Variants in MAN1B1 observed in about 807,000 individuals in gnomAD.
The protein encoded by MAN1B1 is endoplasmic reticulum mannosyl-oligosaccharide 1,2-alpha-mannosidase.
Under a neutral mutation model 75.5 loss-of-function variants are expected in MAN1B1, and 66 were observed. The ratio of observed to expected loss-of-function variants is 0.87; its 90% CI spans 0.72 to 1.07. MAN1B1 has a LOEUF of 1.07. Among genes scored for constraint, MAN1B1 ranks in the 50% least tolerant of loss-of-function variants. The probability of loss-of-function intolerance (pLI) is 0.00; values close to 1 mark genes in which losing one functional copy is unlikely to be tolerated. For synonymous variants in MAN1B1, 453 were observed against 382.8 expected (o/e 1.18, Z -2.14); for missense variants, 973 against 912.5 (o/e 1.07, Z -0.85).
intron 12 of MAN1B1, 155 bp from the exon 13 acceptor site, chr9:137,108,214 GGGCTCCGGTGGAACCACAC>G: frequency 1.5e-6 from 1 of 645,274 alleles, no homozygotes. Flanking sequence ...ATTTCCAGGT[GGGCTCCGGTGGAACCACAC>G]GGCTCGCCTG....
intron 8 of MAN1B1, chr9:137,102,854 G>A (rs1466368252): frequency 8.1e-5 from 36 of 444,840 alleles, no homozygotes; most frequent in South Asian, 4.0e-4. Flanking sequence ...TGTTGCAGGC[G>A]TGCAGGTCGG....
Position 137,103,792 on chromosome 9 carries a change from T to C in MAN1B1, c.1254+2120T>C, listed in dbSNP as rs181706889. ...TTCACACTGTTGCAGGTGTGCAGGT[T>C]GGTGTTACACACATTCACACTGTTG... On this transcript the variant is annotated intron_variant, in intron 8 of 12. Transcript: ENST00000371589. The C allele has an allele frequency of 1.8e-3, 781 of 431,382 alleles. 13 individuals carry two copies. In the East Asian group the frequency reaches 0.046, roughly 25 times the overall value. 26.7% of individuals were successfully genotyped at this position (431,382 alleles called of 1,614,324 possible). A position where few individuals can be genotyped will look rare whatever the true frequency, so the allele number is the denominator to read the frequency against.
rs770120397 is a variant in MAN1B1, at chr9:137,107,423, G to A, written c.1740G>A (p.Pro580=). 26 of 1,613,322 alleles carry A rather than the reference G, an allele frequency of 1.6e-5. No homozygotes were observed. Among genetic ancestry groups the A allele is most frequent in the Middle Eastern group, 1.6e-4 (1 of 6,084 alleles). The part of the protein sequence containing the change: ...EIVHFNLYPQ[P]GRRDVEVKPA... Reference sequence around the variant, plus strand: ...TGCACTTCAACCTTTACCCCCAGCCGGGCCGTCGGGACGTGGAGGTCAAGG... The same window carrying A: ...TGCACTTCAACCTTTACCCCCAGCCAGGCCGTCGGGACGTGGAGGTCAAGG... The change falls in exon 11 of 13, where the codon CCG becomes CCA. Residue 580 remains proline, a synonymous_variant. Transcript: ENST00000371589.
At chr9:137,090,311 C>T (rs942966949) in intron 3 of MAN1B1, among the ~76,000 whole-genome samples, 2 of 152,154 alleles carry the variant, frequency 1.3e-5, no homozygotes, top group African/African-American at 4.8e-5. Context: ...GGGAGCTTCA[C>T]CTGTGGCCAG....
intron 3 of MAN1B1, among the ~76,000 whole-genome samples, chr9:137,092,721 A>C (rs1195277714): frequency 6.6e-6 from 1 of 152,230 alleles, no homozygotes; most frequent in Admixed American, 6.5e-5. Context: ...TGAGAGTAGC[A>C]GTCAGTGGTG....
intron 8 of MAN1B1, chr9:137,104,281 G>A (rs909242240): frequency 1.1e-5 from 4 of 359,590 alleles, no homozygotes; most frequent in Admixed American, 3.7e-5. Flanking sequence ...TGTCACTCAG[G>A]CTGGAGTGCA....
In MAN1B1 at chr9:137,106,330, G is replaced by A. The variant is rs947665820; in HGVS notation, c.1445+15G>A. 29 of 1,543,424 alleles carry A rather than the reference G, an allele frequency of 1.9e-5. No individual in the cohort carries two copies. The highest frequency in any genetic ancestry group is 2.3e-4 in the Middle Eastern group (1 of 4,376). On this transcript the variant is annotated intron_variant, in intron 9 of 12. Coordinates refer to ENST00000371589, the MANE Select transcript of MAN1B1 (RefSeq NM_016219.5). ...CAGGAGACACAGTGAGGCCCGGCCC[G>A]CTGCCCCCAGCTCCCGCGGCTCCCC... is the stretch of plus-strand genomic sequence containing the variant.
intron 3 of MAN1B1, chr9:137,094,454 A>G: frequency 2.3e-6 from 1 of 434,694 alleles, no homozygotes. Context: ...AGACTAGAGA[A>G]ACACAGTGGA....
intron 4 of MAN1B1, 43 bp downstream of exon 4, chr9:137,096,434 G>A (rs115405628): frequency 6.2e-7 from 1 of 1,604,130 alleles, no homozygotes; most frequent in Admixed American, 1.7e-5. Context: ...CTCAGGGCTT[G>A]ATGTTCCGAA....
At chr9:137,101,353 G>C (rs1375666357) in intron 7 of MAN1B1, 131 bp from the exon 8 acceptor site, 1 of 1,098,890 alleles carries the variant, frequency 9.1e-7, no homozygotes. Flanking sequence ...TCAGTGCAGA[G>C]TGATGCCCGT....
At chr9:137,096,106 G>A (rs764535611) in intron 3 of MAN1B1, 131 bp from the exon 4 acceptor site, 49 of 974,072 alleles carry the variant, frequency 5.0e-5, no homozygotes, top group Non-Finnish European at 6.5e-5. Context: ...ATTGAAAAAC[G>A]AAAGTAATTT....
intron 1 of MAN1B1, 158 bp downstream of exon 1, chr9:137,087,376 T>C (rs2130984328): frequency 1.1e-6 from 1 of 935,568 alleles, no homozygotes; most frequent in Non-Finnish European, 1.6e-6. Flanking sequence ...GCGTTCCTGG[T>C]TGGGGCAGCC....
chr9:137,100,405 T>G (rs1830775548), intron 6 of MAN1B1, among the ~76,000 whole-genome samples: 1 of 152,278 alleles, frequency 6.6e-6, no homozygotes, highest in Admixed American at 6.5e-5. Flanking sequence ...ACTGCACTGC[T>G]GACTCCGTTT....
rs1373806060 is a variant in MAN1B1, at chr9:137,088,322, G to A, written c.328+139G>A. On this transcript the variant is annotated intron_variant, in intron 2 of 12. Coordinates refer to ENST00000371589, the MANE Select transcript of MAN1B1 (RefSeq NM_016219.5). ...GCAAGAAATCAAGATAAAGAGAAAG[G>A]TAGAGCTGTATGTAACCACCTGGCT... The A allele has an allele frequency of 2.5e-6, 4 of 1,604,352 alleles. No homozygotes were observed. In the East Asian group the frequency reaches 9.0e-5, roughly 36 times the overall value.
intron 6 of MAN1B1, 26 bp from the exon 7 acceptor site, chr9:137,100,979 G>A: frequency 6.2e-7 from 1 of 1,613,762 alleles, no homozygotes; most frequent in Non-Finnish European, 8.5e-7. Context: ...ATTTGTCTCT[G>A]CATCCTTTAC....
At chr9:137,105,486 T>A (rs1831061556) in intron 8 of MAN1B1, 1 of 202,658 alleles carries the variant, frequency 4.9e-6, no homozygotes, top group East Asian at 1.8e-4. Flanking sequence ...TACACAGGGA[T>A]AGGCAGCCAG....
At chr9:137,093,887 A>G (rs1251718897) in intron 3 of MAN1B1, among the ~76,000 whole-genome samples, 1 of 151,820 alleles carries the variant, frequency 6.6e-6, no homozygotes, top group Non-Finnish European at 1.5e-5. Flanking sequence ...AAATCCATTG[A>G]CTCCCTATCA....
At chr9:137,094,731 T>A (rs1279338070) in intron 3 of MAN1B1, among the ~76,000 whole-genome samples, 2 of 151,456 alleles carry the variant, frequency 1.3e-5, no homozygotes, top group Admixed American at 6.6e-5. Flanking sequence ...ATACAAAAAA[T>A]TAACCTGGAG....
intron 8 of MAN1B1, chr9:137,103,486 G>A: frequency 2.3e-6 from 1 of 430,548 alleles, no homozygotes; most frequent in Non-Finnish European, 4.6e-6. Context: ...CAGGTCAGTG[G>A]TACACACATT....
Sources: allele counts gnomAD v4.1 joint callset (sites outside exome capture counted in the v4.1 genomes callset), GRCh38; gene constraint gnomAD v4.1.1; transcripts MANE v1.5; gene names NCBI Gene and HGNC (gene_info 2026-07-23, HGNC 2026-07-21).